PCDH15: variants seen among roughly 807,000 people sequenced by gnomAD.
PCDH15 encodes the protein protocadherin-15.
Under a neutral mutation model 178.5 loss-of-function variants are expected in PCDH15, and 129 were observed. The ratio of observed to expected loss-of-function variants is 0.72; its 90% CI spans 0.63 to 0.84. PCDH15 has a LOEUF of 0.84. Ranked by LOEUF, PCDH15 falls within the 40% of genes least tolerant of loss-of-function variation. The pLI is 0.00. For missense variants in PCDH15, 2,230 were observed against 2,099.9 expected (o/e 1.06, Z -1.21); for synonymous variants, 800 against 732.0 (o/e 1.09, Z -1.50).
At chr10:53,821,920 TC>T in intron 32 of PCDH15, 1 of 1,613,638 alleles carries the variant, frequency 6.2e-7, no homozygotes, top group Non-Finnish European at 8.5e-7. Context: ...TTGTTCAAAC[TC>T]CCCTTGTTTT....
At chr10:54,824,951 G>C (rs113645464) in intron 3 of PCDH15, among the ~76,000 whole-genome samples, 16 of 151,762 alleles carry the variant, frequency 1.1e-4, no homozygotes, top group South Asian at 4.2e-4. Flanking sequence ...TATACATGTG[G>C]CATGTTGGTG....
intron 18 of PCDH15, among the ~76,000 whole-genome samples, chr10:54,035,620 C>T (rs993089852): frequency 1.3e-5 from 2 of 151,894 alleles, no homozygotes; most frequent in Non-Finnish European, 2.9e-5. Flanking sequence ...CCATCTTTCT[C>T]ACTTTCCTTG....
chr10:54,242,199 C>CAT (rs1564770356), intron 8 of PCDH15, among the ~76,000 whole-genome samples: 1 of 121,770 alleles, frequency 8.2e-6, no homozygotes, highest in Non-Finnish European at 1.7e-5. Context: ...CACACACACA[C>CAT]ATACATACAT....
chr10:53,885,346 C>T (rs1202328226), intron 26 of PCDH15, among the ~76,000 whole-genome samples: 1 of 152,002 alleles, frequency 6.6e-6, no homozygotes, highest in Non-Finnish European at 1.5e-5. Flanking sequence ...TAATTTCACT[C>T]CATTTTATGA....
In PCDH15 at chr10:55,069,048, C is replaced by T. The variant is rs563022924; in HGVS notation, c.-80+97528G>A. Among the ~76,000 whole-genome samples the T allele has an allele frequency of 2.1e-5, 3 of 142,200 alleles. No individual in the cohort carries two copies. In the South Asian group the frequency reaches 7.0e-4, roughly 33 times the overall value. 93.3% of individuals were successfully genotyped at this position (142,200 alleles called of 152,430 possible). A position where few individuals can be genotyped will look rare whatever the true frequency, so the allele number is the denominator to read the frequency against. ...AAGTAGCTGGGATTACAGGTATGTT[C>T]CACCATGTCCAGCTATTTTTTTTTT... On this transcript the variant is annotated intron_variant, in intron 2 of 5. Transcript: ENST00000458638.
At chr10:53,963,998 T>C (rs1053602105) in intron 21 of PCDH15, among the ~76,000 whole-genome samples, 15 of 152,216 alleles carry the variant, frequency 9.9e-5, no homozygotes, top group Non-Finnish European at 1.9e-4. Context: ...TTTTGCCTAC[T>C]CATCTGATTT....
intron 3 of PCDH15, among the ~76,000 whole-genome samples, chr10:54,496,647 T>C (rs760181211): frequency 1.3e-5 from 2 of 152,126 alleles, no homozygotes; most frequent in African/African-American, 2.4e-5. Context: ...CCAAATAGTT[T>C]TCACCTTTTC....
chr10:53,859,555 T>C (rs926021252), intron 27 of PCDH15, among the ~76,000 whole-genome samples: 6 of 152,072 alleles, frequency 3.9e-5, no homozygotes, highest in African/African-American at 1.4e-4. Flanking sequence ...TTAGTATCCC[T>C]TGAATTTTCC....
intron 15 of PCDH15, among the ~76,000 whole-genome samples, chr10:54,114,618 C>T (rs936296354): frequency 7.2e-5 from 11 of 151,898 alleles, no homozygotes; most frequent in African/African-American, 2.7e-4. Context: ...AGGATTACAG[C>T]AAAGAGGATA....
intron 3 of PCDH15, among the ~76,000 whole-genome samples, chr10:54,526,360 T>A (rs1011812317): frequency 3.3e-5 from 5 of 152,226 alleles, no homozygotes; most frequent in Non-Finnish European, 5.9e-5. Flanking sequence ...AAGAAATTGT[T>A]GATAAACCTT....
At chr10:54,914,495 T>C (rs1295374445) in intron 2 of PCDH15, among the ~76,000 whole-genome samples, 1 of 151,164 alleles carries the variant, frequency 6.6e-6, no homozygotes. Context: ...ATCTGAGATT[T>C]TCCTAATTGT....
chr10:55,468,610 A>C (rs1839890721), intron 2 of PCDH15: 1 of 152,230 alleles, frequency 6.6e-6, no homozygotes, highest in South Asian at 2.1e-4. Context: ...TGAACAGTCT[A>C]AATAAAGCAT....
intron 1 of PCDH15, among the ~76,000 whole-genome samples, chr10:54,684,243 A>G (rs745485599): frequency 4.6e-5 from 7 of 152,030 alleles, no homozygotes; most frequent in Non-Finnish European, 7.4e-5. Flanking sequence ...GTTGTAAACA[A>G]TTAGAATGTA....
intron 3 of PCDH15, among the ~76,000 whole-genome samples, chr10:54,831,422 C>G (rs1953225951): frequency 6.6e-6 from 1 of 152,050 alleles, no homozygotes; most frequent in Admixed American, 6.6e-5. Flanking sequence ...TGAATGATTT[C>G]TAAACAGTCA....
intron 29 of PCDH15, among the ~76,000 whole-genome samples, chr10:53,836,926 A>G (rs987599278): frequency 1.3e-5 from 2 of 152,206 alleles, no homozygotes; most frequent in African/African-American, 4.8e-5. Flanking sequence ...GAGTGGTGGA[A>G]ATAAGAAATA....
intron 21 of PCDH15, among the ~76,000 whole-genome samples, chr10:53,989,817 C>T (rs1311880970): frequency 1.3e-5 from 2 of 152,050 alleles, no homozygotes; most frequent in Non-Finnish European, 2.9e-5. Context: ...AGACTAACAA[C>T]ACAAGCCAGT....
At chr10:54,457,299 T>C (rs896082743) in intron 3 of PCDH15, among the ~76,000 whole-genome samples, 1 of 152,146 alleles carries the variant, frequency 6.6e-6, no homozygotes, top group African/African-American at 2.4e-5. Flanking sequence ...ATTTTACTAA[T>C]AGTAACAACT....
intron 2 of PCDH15, among the ~76,000 whole-genome samples, chr10:54,607,657 A>T (rs186385408): frequency 6.6e-6 from 1 of 152,260 alleles, no homozygotes; most frequent in East Asian, 1.9e-4. Flanking sequence ...TTCAATCAGT[A>T]AGAAAATATA....
Position 53,806,497 on chromosome 10 carries a change from A to T in PCDH15, c.*82T>A. On this transcript the variant is annotated 3_prime_UTR_variant, in exon 38 of 38. Transcript: ENST00000644397. ...TGTGTGCATGATATAAATTCCATAC[A>T]TTGTTTTCTCAGTGACAATAAAAAG... The T allele has an allele frequency of 8.4e-7, 1 of 1,197,298 alleles. No individual in the cohort carries two copies. The highest frequency in any genetic ancestry group is 1.2e-6 in the Non-Finnish European group (1 of 865,476). The allele number at this position is 1,197,298 out of a possible 1,614,324, so 74.2% of individuals were successfully genotyped here. A position where few individuals can be genotyped will look rare whatever the true frequency, so the allele number is the denominator to read the frequency against.
Sources: allele counts gnomAD v4.1 joint callset (sites outside exome capture counted in the v4.1 genomes callset), GRCh38; gene constraint gnomAD v4.1.1; transcripts MANE v1.5; gene names NCBI Gene and HGNC (gene_info 2026-07-23, HGNC 2026-07-21).